RNMT: variants seen among roughly 807,000 people sequenced by gnomAD.
The protein encoded by RNMT is RNA guanine-7 methyltransferase, also known as mRNA cap guanine-N(7) methyltransferase.
RNMT carries 27 observed loss-of-function variants against 56.0 expected under a neutral mutation model. That is an observed-to-expected ratio of 0.48 (90% confidence interval 0.36 to 0.67). The LOEUF (loss-of-function observed/expected upper bound fraction) is 0.67, where lower values mean the gene tolerates loss of function less well. Ranked by LOEUF, RNMT falls within the 30% of genes least tolerant of loss-of-function variation. The pLI is 0.00. For missense variants in RNMT, 519 were observed against 552.1 expected (o/e 0.94, Z 0.60); for synonymous variants, 184 against 176.2 (o/e 1.04, Z -0.35).
chr18:13,729,679 C>T (rs910716579), intron 1 of RNMT, among the ~76,000 whole-genome samples: 1 of 152,190 alleles, frequency 6.6e-6, no homozygotes. Flanking sequence ...AACCCTTACC[C>T]ATTCATAGTG....
chr18:13,742,619 C>A lies in RNMT; in HGVS notation c.1106C>A (p.Pro369His), dbSNP rs2044270020. Residue 369 changes from proline to histidine, a missense_variant, in exon 8 of 12, where the codon CCT (proline) becomes CAT (histidine). By Grantham distance (77) the Pro-to-His change is moderately conservative. Coordinates refer to ENST00000383314, the MANE Select transcript of RNMT (RefSeq NM_003799.3). ...DFNLEGVVDV[P>H]EFLVYFPLLN... ...AACTTGGAAGGTGTTGTGGATGTTC[C>A]TGAATTCTTGGTCTATTTTCCATTG... 6.2e-7 allele frequency: 1 copy of A among 1,613,280 alleles called. No homozygotes were observed. Among genetic ancestry groups the A allele is most frequent in the Admixed American group, 1.7e-5 (1 of 59,900 alleles).
intron 8 of RNMT, among the ~76,000 whole-genome samples, chr18:13,743,255 G>A (rs552948320): frequency 6.6e-4 from 99 of 150,402 alleles, no homozygotes; most frequent in Admixed American, 9.2e-4. Context: ...CCCGGGAGGC[G>A]GAGCTTGCAG....
At chr18:13,752,491 C>CA (rs2044466968) in intron 10 of RNMT, 64 bp downstream of exon 10, 2 of 982,064 alleles carry the variant, frequency 2.0e-6, no homozygotes, top group Admixed American at 4.1e-5. Flanking sequence ...TATATGGAGA[C>CA]ATAGGAAATG....
chr18:13,731,085 T>A (rs925254297), intron 2 of RNMT, among the ~76,000 whole-genome samples: 1 of 152,354 alleles, frequency 6.6e-6, no homozygotes, highest in African/African-American at 2.4e-5. Flanking sequence ...GAGATTTTTT[T>A]AAACTCCTAG....
chr18:13,753,473 G>C (rs997192871), intron 10 of RNMT, among the ~76,000 whole-genome samples: 1 of 130,572 alleles, frequency 7.7e-6, no homozygotes, highest in Non-Finnish European at 1.6e-5. Context: ...TCAAAAAAAA[G>C]AAAGAATACA....
chr18:13,761,843 A>AGC lies in RNMT; in HGVS notation c.*1864_*1865insGC. 4 of 1,149,572 alleles carry AGC rather than the reference A, an allele frequency of 3.5e-6. No homozygotes were observed. The highest frequency in any genetic ancestry group is 4.3e-6 in the Non-Finnish European group (4 of 920,582). 71.2% of individuals were successfully genotyped at this position (1,149,572 alleles called of 1,614,324 possible). A position where few individuals can be genotyped will look rare whatever the true frequency, so the allele number is the denominator to read the frequency against. ...ATCAGTTCTTCCTCCACCACCCTAC[A>AGC]CCCCCCTCCCCCCGGCCCCAAGCCC... On this transcript the variant is annotated 3_prime_UTR_variant, in exon 12 of 12. Coordinates refer to ENST00000383314, the MANE Select transcript of RNMT (RefSeq NM_003799.3).
At chr18:13,735,769 CAG>C (rs2044148555) in intron 4 of RNMT, among the ~76,000 whole-genome samples, 1 of 151,980 alleles carries the variant, frequency 6.6e-6, no homozygotes, top group African/African-American at 2.4e-5. Context: ...GGACTGAAGT[CAG>C]AGTTGGCAAA....
At chr18:13,752,120 T>A (rs1366465613) in intron 9 of RNMT, among the ~76,000 whole-genome samples, 1 of 152,152 alleles carries the variant, frequency 6.6e-6, no homozygotes, top group East Asian at 1.9e-4. Context: ...TATACCCTAG[T>A]ATAATATTTA....
At position 13,734,547 on chromosome 18, in the gene RNMT, T is replaced by C; in HGVS notation, c.501T>C (p.Ser167=). 6.2e-7 allele frequency: 1 copy of C among 1,613,738 alleles called. No individual in the cohort carries two copies. Among genetic ancestry groups the C allele is most frequent in the Non-Finnish European group, 8.5e-7 (1 of 1,179,734 alleles). Residue 167 remains serine, a synonymous_variant, in exon 4 of 12, where the codon AGT becomes AGC. Coordinates refer to ENST00000383314, the MANE Select transcript of RNMT (RefSeq NM_003799.3). ...TTGGTTTGGAGAAGCGTAGTCAAAGTCGTATTTTTTACCTAAGAAACTTTA... is the reference window on the plus strand; with the variant it reads ...TTGGTTTGGAGAAGCGTAGTCAAAGCCGTATTTTTTACCTAAGAAACTTTA... ...QEVGLEKRSQ[S]RIFYLRNFNN...
At chr18:13,741,735 T>A in intron 7 of RNMT, 44 bp downstream of exon 7, 2 of 1,267,264 alleles carry the variant, frequency 1.6e-6, no homozygotes, top group Non-Finnish European at 2.2e-6. Context: ...ATATTCAGTA[T>A]TAAGTAGCAA....
intron 8 of RNMT, among the ~76,000 whole-genome samples, chr18:13,745,927 GAA>G (rs1007300133): frequency 6.6e-6 from 1 of 152,192 alleles, no homozygotes; most frequent in East Asian, 1.9e-4. Flanking sequence ...GGAATCAGTA[GAA>G]AAGAGTTTCC....
chr18:13,753,100 A>G (rs759412854), intron 10 of RNMT, among the ~76,000 whole-genome samples: 6 of 152,232 alleles, frequency 3.9e-5, no homozygotes, highest in Non-Finnish European at 8.8e-5. Context: ...AAAACACAAA[A>G]ATTGTATTTT....
intron 10 of RNMT, among the ~76,000 whole-genome samples, 159 bp downstream of exon 10, chr18:13,752,586 A>G (rs930802516): frequency 3.9e-5 from 6 of 152,222 alleles, no homozygotes; most frequent in Admixed American, 1.3e-4. Context: ...ATAACCACAG[A>G]ATATGGAATA....
At position 13,734,571 on chromosome 18, in the gene RNMT, T is replaced by C. The variant is rs1442966602; in HGVS notation, c.525T>C (p.Phe175=). 1 of 1,613,298 alleles carries C rather than the reference T, an allele frequency of 6.2e-7. No homozygotes were observed. Among genetic ancestry groups the C allele is most frequent in the Non-Finnish European group, 8.5e-7 (1 of 1,179,512 alleles). ...SQSRIFYLRN[F]NNWMKSVLIG... The stretch of plus-strand genomic sequence containing the variant: ...GTCGTATTTTTTACCTAAGAAACTT[T>C]AATAATTGGATGAAAAGTGTTCTCA... The change falls in exon 4 of 12, where the codon TTT becomes TTC. Residue 175 remains phenylalanine, a synonymous_variant. Transcript: ENST00000383314.
intron 5 of RNMT, among the ~76,000 whole-genome samples, chr18:13,737,895 A>C (rs2044189613): frequency 1.3e-5 from 2 of 152,176 alleles, no homozygotes; most frequent in African/African-American, 4.8e-5. Flanking sequence ...GAATTATAGA[A>C]TTAGAAAATC....
At chr18:13,743,728 G>A (rs1309682587) in intron 8 of RNMT, among the ~76,000 whole-genome samples, 1 of 151,630 alleles carries the variant, frequency 6.6e-6, no homozygotes, top group Non-Finnish European at 1.5e-5. Flanking sequence ...TATTAACTGA[G>A]AAAAAGAAGA....
intron 10 of RNMT, among the ~76,000 whole-genome samples, chr18:13,752,934 A>G (rs2044475830): frequency 6.6e-6 from 1 of 152,210 alleles, no homozygotes; most frequent in Non-Finnish European, 1.5e-5. Context: ...CATTTATCAC[A>G]TCTGGAAAAA....
At chr18:13,740,931 G>A (rs1338733719) in intron 6 of RNMT, among the ~76,000 whole-genome samples, 1 of 152,166 alleles carries the variant, frequency 6.6e-6, no homozygotes, top group Non-Finnish European at 1.5e-5. Context: ...ACATATCAGA[G>A]CCTGTTTGGT....
intron 2 of RNMT, 90 bp from the exon 3 acceptor site, chr18:13,731,386 C>T (rs534316337): frequency 2.2e-5 from 14 of 625,056 alleles, no homozygotes; most frequent in East Asian, 2.9e-5. Context: ...CCAGCCTGGG[C>T]GACAAGAGTG....
Sources: gnomAD v4.1 joint callset for allele counts (sites outside exome capture counted in the v4.1 genomes callset) on GRCh38, gnomAD v4.1.1 for gene constraint, MANE v1.5 for transcripts, NCBI Gene and HGNC (gene_info 2026-07-23, HGNC 2026-07-21) for gene names.